Variants in BMERB1 observed in about 807,000 individuals in gnomAD.
The protein encoded by BMERB1 is bMERB domain-containing protein 1.
BMERB1 carries 12 observed loss-of-function variants against 23.6 expected under a neutral mutation model. The observed-to-expected ratio is 0.51, with a 90% CI of 0.33 to 0.82. The LOEUF is 0.82. Ranked by LOEUF, BMERB1 falls within the 40% of genes least tolerant of loss-of-function variation. BMERB1 has a pLI of 0.03. For missense variants in BMERB1, 247 were observed against 255.4 expected (o/e 0.97, Z 0.22); for synonymous variants, 122 against 96.6 (o/e 1.26, Z -1.54).
At chr16:15,444,232 G>A (rs1475367591) in intron 1 of BMERB1, among the ~76,000 whole-genome samples, 1 of 148,698 alleles carries the variant, frequency 6.7e-6, no homozygotes, top group Non-Finnish European at 1.5e-5. Context: ...TTGGTTGGAA[G>A]CCAGCACAGG....
rs955876152 is a variant in BMERB1, at chr16:15,480,001, TATATATATATA to T, written c.107-35284_107-35274del. On this transcript the variant is annotated intron_variant, in intron 1 of 5. Transcript: ENST00000300006. ...GTTTCAATTTATCATATAGTTTTCA[TATATATATATA>T]ATATATATATAATATATATTTAAAA... 4.8e-4 allele frequency among the ~76,000 whole-genome samples: 71 copies of T among 147,244 alleles called. 1 individual carries two copies. The highest frequency in any genetic ancestry group is 5.8e-4 in the Non-Finnish European group (39 of 66,980).
At chr16:15,484,971 T>C (rs1229085321) in intron 1 of BMERB1, among the ~76,000 whole-genome samples, 3 of 152,232 alleles carry the variant, frequency 2.0e-5, no homozygotes, top group Non-Finnish European at 4.4e-5. Flanking sequence ...TCAGTTTTTC[T>C]GCATCTACTT....
intron 1 of BMERB1, among the ~76,000 whole-genome samples, chr16:15,497,226 A>G (rs757433378): frequency 7.9e-5 from 12 of 152,188 alleles, no homozygotes; most frequent in Non-Finnish European, 1.2e-4. Flanking sequence ...TCAGTCTCAC[A>G]TCCATCTCCC....
chr16:15,441,414 C>T (rs1001278530), intron 1 of BMERB1, among the ~76,000 whole-genome samples: 2 of 151,828 alleles, frequency 1.3e-5, no homozygotes, highest in African/African-American at 2.4e-5. Flanking sequence ...GACAGAGTCT[C>T]GTTCTCTTGC....
chr16:15,454,794 A>AC (rs935877414), intron 1 of BMERB1, among the ~76,000 whole-genome samples: 1 of 151,552 alleles, frequency 6.6e-6, no homozygotes, highest in African/African-American at 2.4e-5. Context: ...TCAGTCTAAA[A>AC]AAAAAAAAAA....
At chr16:15,480,816 G>T (rs1243457554) in intron 1 of BMERB1, among the ~76,000 whole-genome samples, 1 of 151,758 alleles carries the variant, frequency 6.6e-6, no homozygotes, top group East Asian at 2.0e-4. Flanking sequence ...TTTTCACCAT[G>T]TTGGCCAGGA....
chr16:15,450,786 C>A (rs1156626162), intron 1 of BMERB1, among the ~76,000 whole-genome samples: 1 of 151,948 alleles, frequency 6.6e-6, no homozygotes, highest in African/African-American at 2.4e-5. Context: ...TGGCTTTTTG[C>A]TTGCTGTGGG....
chr16:15,472,900 C>A (rs1438845720), intron 1 of BMERB1, among the ~76,000 whole-genome samples: 1 of 150,600 alleles, frequency 6.6e-6, no homozygotes, highest in Non-Finnish European at 1.5e-5. Flanking sequence ...CTCTGTTGCC[C>A]AGGCTGGAGT....
chr16:15,532,010 C>G (rs1263089673), intron 2 of BMERB1, among the ~76,000 whole-genome samples: 1 of 152,182 alleles, frequency 6.6e-6, no homozygotes, highest in Admixed American at 6.5e-5. Flanking sequence ...CCGAGCACCC[C>G]CTTAAGGCAA....
At chr16:15,526,694 A>G (rs1034336029) in intron 2 of BMERB1, among the ~76,000 whole-genome samples, 2 of 150,190 alleles carry the variant, frequency 1.3e-5, no homozygotes, top group East Asian at 1.9e-4. Flanking sequence ...ACTAAAAAAT[A>G]TAATTGTTCC....
Position 15,461,282 on chromosome 16 carries a change from C to T in BMERB1, c.106+26523C>T, listed in dbSNP as rs181243603. On this transcript the variant is annotated intron_variant, in intron 1 of 5. Transcript: ENST00000300006. ...GGAGCGACCCCCGGGCTCAGTTCAC[C>T]AGGTGAAAGGAACAGGCAAAGTCAC... is the stretch of plus-strand genomic sequence containing the variant. Among the ~76,000 whole-genome samples, 53 of 152,246 alleles carry T rather than the reference C, an allele frequency of 3.5e-4. No homozygotes were observed. In the East Asian group the frequency reaches 9.8e-3, roughly 28 times the overall value.
intron 1 of BMERB1, among the ~76,000 whole-genome samples, chr16:15,494,402 C>A (rs1411297111): frequency 6.6e-6 from 1 of 152,064 alleles, no homozygotes; most frequent in Non-Finnish European, 1.5e-5. Flanking sequence ...TTGAAGGTCA[C>A]TTTGAAGTGT....
chr16:15,579,666 TTTTA>T (rs1240984203), intron 3 of BMERB1, among the ~76,000 whole-genome samples: 3 of 152,170 alleles, frequency 2.0e-5, no homozygotes. Context: ...TCTCTCTTTT[TTTTA>T]TTTTTTCTCT....
intron 2 of BMERB1, among the ~76,000 whole-genome samples, chr16:15,563,126 A>G (rs112447600): frequency 1.3e-5 from 2 of 152,278 alleles, no homozygotes; most frequent in African/African-American, 4.8e-5. Flanking sequence ...TCACGCCTGT[A>G]ATCCCAGCAC....
At chr16:15,584,355 G>A (rs1400694461) in intron 5 of BMERB1, among the ~76,000 whole-genome samples, 2 of 151,604 alleles carry the variant, frequency 1.3e-5, no homozygotes, top group Non-Finnish European at 2.9e-5. Flanking sequence ...TCAGGAGATC[G>A]ACACCATCCT....
intron 1 of BMERB1, among the ~76,000 whole-genome samples, chr16:15,506,166 TTTTG>T (rs777212991): frequency 1.8e-4 from 28 of 152,078 alleles, no homozygotes; most frequent in Middle Eastern, 3.4e-3. Flanking sequence ...CTTCCTAATC[TTTTG>T]TTTTTCTTTT....
At chr16:15,535,832 A>C (rs575796620) in intron 2 of BMERB1, among the ~76,000 whole-genome samples, 11 of 152,238 alleles carry the variant, frequency 7.2e-5, no homozygotes, top group African/African-American at 2.6e-4. Context: ...GGGAGGCCTC[A>C]GGAAACTTAC....
intron 2 of BMERB1, among the ~76,000 whole-genome samples, chr16:15,521,082 A>C (rs1388431006): frequency 2.0e-5 from 3 of 151,740 alleles, no homozygotes. Context: ...TGCTATGTAA[A>C]CTCCTAGTTT....
chr16:15,498,420 AG>A (rs1214727715), intron 1 of BMERB1, among the ~76,000 whole-genome samples: 2 of 152,140 alleles, frequency 1.3e-5, no homozygotes, highest in Non-Finnish European at 2.9e-5. Context: ...CCTATTCAGG[AG>A]GCTGAAGTGG....
Sources: gnomAD v4.1 joint callset for allele counts (sites outside exome capture counted in the v4.1 genomes callset) on GRCh38, gnomAD v4.1.1 for gene constraint, MANE v1.5 for transcripts, NCBI Gene and HGNC (gene_info 2026-07-23, HGNC 2026-07-21) for gene names.